The following SORBS2 variants were observed in gnomAD, a reference collection of about 807,000 sequenced individuals.
The protein encoded by SORBS2 is sorbin and SH3 domain-containing protein 2.
Under a neutral mutation model 97.7 loss-of-function variants are expected in SORBS2, and 46 were observed. The observed-to-expected ratio is 0.47, with a 90% CI of 0.37 to 0.60. SORBS2 has a LOEUF of 0.60. Ranked by LOEUF, SORBS2 falls within the 20% of genes least tolerant of loss-of-function variation. The pLI is 0.00. For synonymous variants in SORBS2, 476 were observed against 473.4 expected (o/e 1.01, Z -0.07); for missense variants, 1,316 against 1,282.3 (o/e 1.03, Z -0.40).
chr4:185,593,850 T>A lies in SORBS2; in HGVS notation c.2846+36A>T, dbSNP rs771864229. On this transcript the variant is annotated intron_variant, in intron 13 of 14. Transcript: ENST00000418609. ...CAGTTGTCCATTTTGTGGGTCAAGG[T>A]TAGTCTCAAATTTAGAAGATAAGAA... 20 of 1,413,922 alleles carry A rather than the reference T, an allele frequency of 1.4e-5. No homozygotes were observed. In the South Asian group the frequency reaches 2.3e-4, roughly 16 times the overall value. The allele number at this position is 1,413,922 out of a possible 1,614,324, so 87.6% of individuals were successfully genotyped here.
intron 2 of SORBS2, among the ~76,000 whole-genome samples, chr4:185,753,150 T>C (rs867911345): frequency 6.6e-6 from 1 of 152,236 alleles, no homozygotes; most frequent in Non-Finnish European, 1.5e-5. Context: ...TGCTGATGCA[T>C]AGTAAATATT....
intron 2 of SORBS2, among the ~76,000 whole-genome samples, chr4:185,717,501 C>T (rs11132340): frequency 0.55 from 83,922 of 152,054 alleles, 23,528 homozygotes; most frequent in Non-Finnish European, 0.6. Flanking sequence ...TCGTATCTTT[C>T]AGTAATTTCT....
intron 2 of SORBS2, among the ~76,000 whole-genome samples, chr4:185,760,800 A>C (rs1398650037): frequency 6.6e-6 from 1 of 152,260 alleles, no homozygotes; most frequent in Non-Finnish European, 1.5e-5. Flanking sequence ...TGAGGATATA[A>C]AAATTAAATC....
At chr4:185,895,045 CTTTAA>C (rs2099244353) in intron 1 of SORBS2, among the ~76,000 whole-genome samples, 1 of 152,228 alleles carries the variant, frequency 6.6e-6, no homozygotes. Context: ...TGCACACTTA[CTTTAA>C]TTTTAGACTT....
At position 185,917,349 on chromosome 4, in the gene SORBS2, C is replaced by T. The variant is rs1046543685; in HGVS notation, c.-338+38847G>A. On this transcript the variant is annotated intron_variant, in intron 1 of 20. Transcript: ENST00000284776. ...TCAAGGGATCCTCTCACCTCAGCCT[C>T]CTGAGTAGCTGGGACTATAGGTGCA... Among the ~76,000 whole-genome samples the T allele has an allele frequency of 3.3e-5, 5 of 152,314 alleles. No individual in the cohort carries two copies. In the South Asian group the frequency reaches 1.0e-3, roughly 32 times the overall value.
At position 185,869,280 on chromosome 4, in the gene SORBS2, C is replaced by T. The variant is rs138491629; in HGVS notation, c.-338+86916G>A. ...GACTCACTGGAGAACTGCATTGTGACACTTTTTCAGGTAGGAAATGTATTC... is the reference window on the plus strand; with the variant it reads ...GACTCACTGGAGAACTGCATTGTGATACTTTTTCAGGTAGGAAATGTATTC... On this transcript the variant is annotated intron_variant, in intron 1 of 20. Coordinates refer to the SORBS2 transcript ENST00000284776. 2.6e-3 allele frequency among the ~76,000 whole-genome samples: 390 copies of T among 152,314 alleles called. 3 individuals are homozygous for T. The highest frequency in any genetic ancestry group is 0.017 in the East Asian group (90 of 5,192).
intron 4 of SORBS2, among the ~76,000 whole-genome samples, chr4:185,673,057 C>T (rs1189047457): frequency 6.6e-6 from 1 of 152,108 alleles, no homozygotes; most frequent in African/African-American, 2.4e-5. Flanking sequence ...GGATGTCCTG[C>T]CACATGCTGT....
At chr4:185,889,405 T>A (rs1013605528) in intron 1 of SORBS2, among the ~76,000 whole-genome samples, 1 of 152,142 alleles carries the variant, frequency 6.6e-6, no homozygotes, top group African/African-American at 2.4e-5. Flanking sequence ...TCACGCATTC[T>A]AAATCATTTC....
intron 1 of SORBS2, among the ~76,000 whole-genome samples, chr4:185,796,226 T>G (rs2099103872): frequency 6.6e-6 from 1 of 152,184 alleles, no homozygotes. Context: ...ATTCTTGAAT[T>G]CATTCCCACC....
At chr4:185,659,656 C>T (rs879526681), upstream of SORBS2, among the ~76,000 whole-genome samples, 203 of 152,142 alleles carry the variant, frequency 1.3e-3, no homozygotes, top group Non-Finnish European at 2.4e-3. Flanking sequence ...CTCCTGACCT[C>T]GTGATCCACC....
chr4:185,782,112 A>T lies in SORBS2; in HGVS notation c.-337-6746T>A, dbSNP rs192975462. Among the ~76,000 whole-genome samples, 155 of 152,390 alleles carry T rather than the reference A, an allele frequency of 1.0e-3. 1 individual carries two copies. The highest frequency in any genetic ancestry group is 3.6e-3 in the African/African-American group (149 of 41,594). ...GTAAATGATTAAATAAGTTCTGCCG[A>T]AGGCATTAAGCAACACAAGAGTACA... On this transcript the variant is annotated intron_variant, in intron 1 of 20. Transcript: ENST00000284776.
rs757597857 is a variant in SORBS2, at chr4:185,615,166, G to C, written c.2352-7C>G. ...TTTCTTAAATGACAACTCCCTGGAA[G>C]AGACACGTTGACATGGTCTTTTTGT... On this transcript the variant is annotated splice_region_variant and splice_polypyrimidine_tract_variant and intron_variant, in intron 9 of 14. Transcript: ENST00000418609. The C allele has an allele frequency of 6.7e-7, 1 of 1,500,300 alleles. No homozygotes were observed. The highest frequency in any genetic ancestry group is 1.1e-5 in the South Asian group (1 of 88,794). 92.9% of individuals were successfully genotyped at this position (1,500,300 alleles called of 1,614,324 possible). A position where few individuals can be genotyped will look rare whatever the true frequency, so the allele number is the denominator to read the frequency against.
intron 1 of SORBS2, among the ~76,000 whole-genome samples, chr4:185,797,567 G>C (rs1039154239): frequency 6.6e-6 from 1 of 152,116 alleles, no homozygotes; most frequent in African/African-American, 2.4e-5. Context: ...CCTCTGACGT[G>C]CCAGGCGCTA....
chr4:185,937,897 C>T (rs2099269726), intron 1 of SORBS2, among the ~76,000 whole-genome samples: 1 of 152,188 alleles, frequency 6.6e-6, no homozygotes, highest in Non-Finnish European at 1.5e-5. Context: ...ATATCTTCTC[C>T]TCTCTGCCCC....
rs1169041631 is a variant in SORBS2 at position 185,649,359 on chromosome 4, C to T, written c.281+108G>A. 8 of 888,744 alleles carry T rather than the reference C, an allele frequency of 9.0e-6. 1 individual carries two copies. Among genetic ancestry groups the T allele is most frequent in the Non-Finnish European group, 1.2e-5 (7 of 607,664 alleles). 55.1% of individuals were successfully genotyped at this position (888,744 alleles called of 1,614,324 possible). A position where few individuals can be genotyped will look rare whatever the true frequency, so the allele number is the denominator to read the frequency against. ...GTATATGTATAGACTAGCAAGATTA[C>T]ACATCCGCTCTCTCTGTGGCAGGTG... On this transcript the variant is annotated intron_variant, in intron 3 of 14. Coordinates refer to ENST00000418609, the Ensembl canonical transcript of SORBS2.
intron 1 of SORBS2, among the ~76,000 whole-genome samples, chr4:185,853,437 G>C (rs1012133583): frequency 6.6e-6 from 1 of 152,048 alleles, no homozygotes; most frequent in African/African-American, 2.4e-5. Flanking sequence ...CACCCCAAAT[G>C]CACCCCAAGA....
intron 1 of SORBS2, among the ~76,000 whole-genome samples, chr4:185,801,531 T>C (rs1297745228): frequency 6.6e-6 from 1 of 152,240 alleles, no homozygotes; most frequent in Non-Finnish European, 1.5e-5. Flanking sequence ...TGAGGTGGTG[T>C]CTCACTGTGG....
intron 1 of SORBS2, among the ~76,000 whole-genome samples, chr4:185,911,460 C>A (rs1296468465): frequency 6.6e-6 from 1 of 152,066 alleles, no homozygotes; most frequent in African/African-American, 2.4e-5. Context: ...AACTCCTGGG[C>A]TCAGTCTTCC....
intron 4 of SORBS2, among the ~76,000 whole-genome samples, chr4:185,641,899 A>G (rs989978803): frequency 6.6e-6 from 1 of 152,192 alleles, no homozygotes; most frequent in African/African-American, 2.4e-5. Flanking sequence ...AGGGTGAACA[A>G]CTTTAAAAAT....
Sources: allele counts gnomAD v4.1 joint callset (sites outside exome capture counted in the v4.1 genomes callset), GRCh38; gene constraint gnomAD v4.1.1; transcripts MANE v1.5; gene names NCBI Gene and HGNC (gene_info 2026-07-23, HGNC 2026-07-21).